The following PWWP3B variants were observed in gnomAD, a reference collection of about 807,000 sequenced individuals.
The protein encoded by PWWP3B is PWWP domain containing 3B.
Under a neutral mutation model 15.7 loss-of-function variants are expected in PWWP3B, and 5 were observed. The ratio of observed to expected loss-of-function variants is 0.32; its 90% CI spans 0.17 to 0.67. PWWP3B has a LOEUF of 0.67. Among genes scored for constraint, PWWP3B ranks in the 30% least tolerant of loss-of-function variants. The pLI is 0.74. For synonymous variants in PWWP3B, 203 were observed against 179.8 expected, an observed-to-expected ratio of 1.13 and a Z score of -1.03; for missense variants, 519 against 493.1, an observed-to-expected ratio of 1.05 and a Z score of -0.50.
At chrX:106,192,713 A>C (rs1923076784) in intron 2 of PWWP3B, among the ~76,000 whole-genome samples, 1 of 110,066 alleles carries the variant, frequency 9.1e-6, no homozygotes, top group Non-Finnish European at 1.9e-5. Context: ...CCTGCTTTGA[A>C]TGTGTCCCAG....
chrX:106,180,426 TCTC>T (rs1217576550), intron 2 of PWWP3B, among the ~76,000 whole-genome samples: 3 of 111,958 alleles, frequency 2.7e-5, no homozygotes, highest in African/African-American at 9.7e-5. Flanking sequence ...TCTTTTGTCT[TCTC>T]CATTTCCATT....
At position 106,207,552 on chromosome X, in the gene PWWP3B, G is replaced by T; in HGVS notation, c.*29G>T. The T allele has an allele frequency of 9.0e-7, 1 of 1,111,482 alleles. No homozygotes were observed. The allele number at this position is 1,111,482 out of a possible 1,213,427, so 91.6% of individuals were successfully genotyped here. A position where few individuals can be genotyped will look rare whatever the true frequency, so the allele number is the denominator to read the frequency against. On this transcript the variant is annotated 3_prime_UTR_variant, in exon 4 of 4. Transcript: ENST00000357175. ...TGCTGAAAGTTGAAACCATGACAGG[G>T]AGCTCTCATAGATACTAGTTGAAAA...
At chrX:106,172,406 A>G (rs1246361542) in intron 2 of PWWP3B, among the ~76,000 whole-genome samples, 1 of 111,543 alleles carries the variant, frequency 9.0e-6, no homozygotes, top group Non-Finnish European at 1.9e-5. Flanking sequence ...AAAATAAAAT[A>G]ATTTCTTTCT....
chrX:106,193,786 A>C (rs946960821), intron 2 of PWWP3B, among the ~76,000 whole-genome samples: 3 of 111,065 alleles, frequency 2.7e-5, no homozygotes, highest in Non-Finnish European at 5.7e-5. Context: ...TTTTATTTCT[A>C]CTTCACTTGT....
At chrX:106,189,517 A>T (rs1312651425) in intron 2 of PWWP3B, among the ~76,000 whole-genome samples, 5 of 108,271 alleles carry the variant, frequency 4.6e-5, no homozygotes, top group African/African-American at 1.0e-4. Flanking sequence ...GCTGAGAATG[A>T]TGGTTTCCAG....
chrX:106,193,572 T>G (rs1389315328), intron 2 of PWWP3B, among the ~76,000 whole-genome samples: 3 of 111,851 alleles, frequency 2.7e-5, no homozygotes, highest in Admixed American at 9.5e-5. Flanking sequence ...GTGAATTTGA[T>G]CCTGTCATTA....
rs1923931144 is a variant in PWWP3B, at chrX:106,205,366, T to C, written c.-67T>C. 1.0e-6 allele frequency: 1 copy of C among 988,549 alleles called. No homozygotes were observed. The highest frequency in any genetic ancestry group is 1.3e-6 in the Non-Finnish European group (1 of 744,271). 81.5% of individuals were successfully genotyped at this position (988,549 alleles called of 1,213,427 possible). A position where few individuals can be genotyped will look rare whatever the true frequency, so the allele number is the denominator to read the frequency against. On this transcript the variant is annotated 5_prime_UTR_variant, in exon 4 of 4. Transcript: ENST00000357175. ...AGTATTGTTTTGGGTAGAACTTGCA[T>C]TAGCAGTGACAAAGATAGCCACCTC...
Position 106,207,260 on chromosome X carries a change from G to C in PWWP3B, c.1828G>C (p.Val610Leu). ...GGATGAAGATCAGTTGGATGAAGTG[G>C]TGAAATATTTACAAGAAGTCTGCAA... ...FEDEDQLDEV[V>L]KYLQEVCNQI... The change falls in exon 4 of 4, where the codon GTG becomes CTG. Residue 610 changes from valine (V) to leucine (L), a missense_variant. Val to Leu is a conservative substitution (Grantham distance 32). Transcript: ENST00000357175. 2.5e-6 allele frequency: 3 copies of C among 1,210,815 alleles called. No homozygotes were observed. Among genetic ancestry groups the C allele is most frequent in the Non-Finnish European group, 3.4e-6 (3 of 894,980 alleles).
intron 2 of PWWP3B, among the ~76,000 whole-genome samples, chrX:106,176,373 C>T (rs1052613934): frequency 1.8e-5 from 2 of 111,635 alleles, no homozygotes; most frequent in African/African-American, 6.5e-5. Context: ...GGATTACAGG[C>T]TTGATAACAG....
chrX:106,189,618 T>C (rs867083850), intron 2 of PWWP3B, among the ~76,000 whole-genome samples: 2,140 of 100,815 alleles, frequency 0.021, 62 homozygotes, highest in African/African-American at 0.073. Context: ...TTTTCTTTTT[T>C]TTTTTTTTTT....
At chrX:106,201,213 G>A (rs1350846935) in intron 2 of PWWP3B, among the ~76,000 whole-genome samples, 2 of 111,994 alleles carry the variant, frequency 1.8e-5, no homozygotes, top group Non-Finnish European at 3.8e-5. Flanking sequence ...TTCCTGAAGG[G>A]TTTTAGAGAA....
chrX:106,189,520 G>A (rs1354125868), intron 2 of PWWP3B, among the ~76,000 whole-genome samples: 2 of 108,966 alleles, frequency 1.8e-5, no homozygotes, highest in Non-Finnish European at 3.8e-5. Context: ...GAGAATGATG[G>A]TTTCCAGTTT....
chrX:106,179,730 G>T (rs1034101403), intron 2 of PWWP3B, among the ~76,000 whole-genome samples: 1 of 112,020 alleles, frequency 8.9e-6, no homozygotes, highest in Non-Finnish European at 1.9e-5. Flanking sequence ...CAGTGGGTAA[G>T]GCTTTTCCCA....
At chrX:106,193,528 A>G (rs975281595) in intron 2 of PWWP3B, among the ~76,000 whole-genome samples, 14 of 111,780 alleles carry the variant, frequency 1.3e-4, no homozygotes, top group African/African-American at 4.2e-4. Flanking sequence ...TGGAGCATTT[A>G]GCCCATTTAC....
intron 2 of PWWP3B, among the ~76,000 whole-genome samples, chrX:106,189,687 G>C (rs1330888813): frequency 9.9e-6 from 1 of 100,934 alleles, no homozygotes; most frequent in Admixed American, 1.1e-4. Context: ...GCGTGATCTC[G>C]GCTCACTGCA....
intron 3 of PWWP3B, among the ~76,000 whole-genome samples, 186 bp downstream of exon 3, chrX:106,204,356 C>A (rs982591814): frequency 1.8e-5 from 2 of 112,263 alleles, no homozygotes; most frequent in South Asian, 3.7e-4. Flanking sequence ...GTTCTGCAGC[C>A]ATGACACTTT....
In PWWP3B at chrX:106,185,265, T is replaced by C. The variant is rs1165181217; in HGVS notation, c.-401+14126T>C. Among the ~76,000 whole-genome samples, 3 of 111,566 alleles carry C rather than the reference T, an allele frequency of 2.7e-5. No individual in the cohort carries two copies. The Admixed American group carries it at 2.9e-4, about 11-fold the overall frequency. ...TCAAATTGGTCCCAATGGCTTAGGA[T>C]ACATTTCAAGTGTGAGCCTGTTGAT... On this transcript the variant is annotated intron_variant, in intron 2 of 3. Transcript: ENST00000357175.
In PWWP3B at chrX:106,206,733, A is replaced by C; in HGVS notation, c.1301A>C (p.Lys434Thr). ...GAGGCAAACATGAATTCTGAAAAGA[A>C]GGGCATTAGAGTAAATTTTAGAAGA... Reference protein sequence around the residue: ...FVEANMNSEKKGIRVNFRRLK... With the variant: ...FVEANMNSEKTGIRVNFRRLK... The change falls in exon 4 of 4, where the codon AAG becomes ACG. Residue 434 changes from lysine to threonine, a missense_variant. Lys to Thr is a moderately conservative substitution (Grantham distance 78). Transcript: ENST00000357175. The C allele has an allele frequency of 2.5e-6, 3 of 1,209,048 alleles. No individual in the cohort carries two copies. The highest frequency in any genetic ancestry group is 3.4e-6 in the Non-Finnish European group (3 of 894,365).
At chrX:106,188,766 T>C (rs781312563) in intron 2 of PWWP3B, among the ~76,000 whole-genome samples, 9 of 112,557 alleles carry the variant, frequency 8.0e-5, no homozygotes, top group Non-Finnish European at 1.3e-4. Context: ...AATCATAAAG[T>C]ATATAGCCTT....
Sources: gnomAD v4.1 joint callset for allele counts (sites outside exome capture counted in the v4.1 genomes callset) on GRCh38, gnomAD v4.1.1 for gene constraint, MANE v1.5 for transcripts, NCBI Gene and HGNC (gene_info 2026-07-23, HGNC 2026-07-21) for gene names.